Variants in DCTN3 observed in about 807,000 individuals in gnomAD.
DCTN3 encodes the protein dynactin 3 (p22).
DCTN3 carries 25 observed loss-of-function variants against 28.4 expected under a neutral mutation model. That is an observed-to-expected ratio of 0.88 (90% confidence interval 0.64 to 1.23). DCTN3 has a LOEUF of 1.23. Among genes scored for constraint, DCTN3 ranks in the 50% most tolerant of loss-of-function variants. The probability of loss-of-function intolerance (pLI) is 0.00; values close to 1 mark genes in which losing one functional copy is unlikely to be tolerated. For synonymous variants in DCTN3, 81 were observed against 91.4 expected (o/e 0.89, Z 0.65); for missense variants, 229 against 232.0 (o/e 0.99, Z 0.08).
intron 3 of DCTN3, chr9:34,617,603 G>A: frequency 7.5e-7 from 1 of 1,338,120 alleles, no homozygotes; most frequent in Non-Finnish European, 9.9e-7. Flanking sequence ...CAGAAGTGAG[G>A]AAGGTTCTGA....
chr9:34,618,751 C>A lies in DCTN3; in HGVS notation c.106G>T (p.Gly36Cys), dbSNP rs775935933. 15 of 1,614,052 alleles carry A rather than the reference C, an allele frequency of 9.3e-6. No individual in the cohort carries two copies. Among genetic ancestry groups the A allele is most frequent in the Non-Finnish European group, 1.2e-5 (14 of 1,179,920 alleles). The change falls in exon 2 of 7, where the codon GGC (glycine) becomes TGC (cysteine). Residue 36 changes from glycine (G) to cysteine (C), a missense_variant. Coordinates refer to ENST00000259632, the MANE Select transcript of DCTN3 (RefSeq NM_007234.5). ...GARGSRKVAD[G>C]LVKVQVALGN... Reference sequence around the variant, plus strand: ...AAAGCCACCTGCACCTTGACCAGGCCGTCAGCCACCTGTAAGGGAAGTGGT... The same window carrying A: ...AAAGCCACCTGCACCTTGACCAGGCAGTCAGCCACCTGTAAGGGAAGTGGT...
chr9:34,617,231 G>C (rs759957515), intron 3 of DCTN3, among the ~76,000 whole-genome samples: 1 of 152,142 alleles, frequency 6.6e-6, no homozygotes. Context: ...TCCCATCTGG[G>C]TTATAAGCTC....
rs777339270 is a variant in DCTN3, at chr9:34,614,080, C to G, written c.433G>C (p.Glu145Gln). 2 of 1,613,732 alleles carry G rather than the reference C, an allele frequency of 1.2e-6. No individual in the cohort carries two copies. Among genetic ancestry groups the G allele is most frequent in the East Asian group, 4.5e-5 (2 of 44,884 alleles). ...TCCTCCAGGAGAGCCTTGGACTCCT[C>G]AGTGATTTCCACACACTGGTCCTGT... ...QQQDQCVEIT[E>Q]ESKALLEEYN... Residue 145 changes from glutamate (E) to glutamine (Q), a missense_variant, in exon 6 of 7, where the codon GAG (glutamate) becomes CAG (glutamine). Coordinates refer to ENST00000259632, the MANE Select transcript of DCTN3 (RefSeq NM_007234.5).
chr9:34,614,457 G>C, intron 5 of DCTN3: 3 of 614,636 alleles, frequency 4.9e-6, no homozygotes, highest in Middle Eastern at 4.4e-4. Context: ...CCATCCCCAG[G>C]AATTCTTGGG....
rs1361730067 is a variant in DCTN3 at position 34,616,694 on chromosome 9, G to C, written c.269-581C>G. The C allele has an allele frequency of 6.6e-6, 1 of 152,352 alleles. No individual in the cohort carries two copies. The highest frequency in any genetic ancestry group is 1.5e-5 in the Non-Finnish European group (1 of 68,170). 9.4% of individuals were successfully genotyped at this position (152,352 alleles called of 1,614,324 possible). A position where few individuals can be genotyped will look rare whatever the true frequency, so the allele number is the denominator to read the frequency against. ...GGTATTCAAGAGAGAGGACTGTTAC[G>C]TGCAAATGCTTAGAGGCAGGAATGC... On this transcript the variant is annotated intron_variant, in intron 3 of 6. Coordinates refer to ENST00000259632, the MANE Select transcript of DCTN3 (RefSeq NM_007234.5). This position sits in a 1 kb window ranked among gnomAD's most constrained non-coding sequence, Gnocchi z 4.7.
chr9:34,620,052 G>A (rs578025446), intron 1 of DCTN3, among the ~76,000 whole-genome samples: 2 of 152,228 alleles, frequency 1.3e-5, no homozygotes, highest in Non-Finnish European at 2.9e-5. Context: ...CCTTCCTATC[G>A]TGGACTTCAG....
intron 5 of DCTN3, 104 bp downstream of exon 5, chr9:34,614,606 A>G: frequency 7.6e-7 from 1 of 1,318,950 alleles, no homozygotes; most frequent in South Asian, 1.2e-5. Flanking sequence ...GTTTCTGCTG[A>G]GGTTACAACA....
chr9:34,615,128 T>A, intron 4 of DCTN3: 1 of 210,286 alleles, frequency 4.8e-6, no homozygotes, highest in East Asian at 1.1e-4. Context: ...CTGCCTGGCT[T>A]AGGGAACAGG....
intron 1 of DCTN3, among the ~76,000 whole-genome samples, chr9:34,619,611 G>A (rs1820505557): frequency 6.6e-6 from 1 of 152,132 alleles, no homozygotes; most frequent in Non-Finnish European, 1.5e-5. Flanking sequence ...GAGGGTCAGC[G>A]TCATAGATCC....
Position 34,613,641 on chromosome 9 carries a change from C to T in DCTN3, c.*141G>A, listed in dbSNP as rs1820352662. 7.5e-6 allele frequency: 9 copies of T among 1,193,036 alleles called. No individual in the cohort carries two copies. The highest frequency in any genetic ancestry group is 1.0e-5 in the Non-Finnish European group (9 of 884,714). 73.9% of individuals were successfully genotyped at this position (1,193,036 alleles called of 1,614,324 possible). A position where few individuals can be genotyped will look rare whatever the true frequency, so the allele number is the denominator to read the frequency against. Reference sequence around the variant, plus strand: ...TTGCAAACCTCAGGTAACCTGACCTCCAACTTTAGAGCCCAGAGTACAGAG... The same window carrying T: ...TTGCAAACCTCAGGTAACCTGACCTTCAACTTTAGAGCCCAGAGTACAGAG... On this transcript the variant is annotated 3_prime_UTR_variant, in exon 7 of 7. Transcript: ENST00000259632.
At chr9:34,615,500 GA>G (rs1820403817) in intron 4 of DCTN3, 1 of 152,350 alleles carries the variant, frequency 6.6e-6, no homozygotes, top group Admixed American at 6.5e-5. Flanking sequence ...CAGAGCTGGG[GA>G]CTGCTAGAGC....
chr9:34,620,442 T>C lies in DCTN3; in HGVS notation c.23A>G (p.Gln8Arg), dbSNP rs961742356. ...CTCTTCCACTCGGGCCTGTAGCCGC[T>C]GCAAGTCAGTCAGACCCGCCATCGC... is the stretch of plus-strand genomic sequence containing the variant. MAGLTDL[Q>R]RLQARVEELE... Residue 8 changes from glutamine to arginine, a missense_variant, in exon 1 of 7, where the codon CAG (glutamine) becomes CGG (arginine). Physicochemically the swap from Gln to Arg is conservative, Grantham distance 43. Transcript: ENST00000259632. 1.7e-5 allele frequency: 27 copies of C among 1,554,906 alleles called. No individual in the cohort carries two copies. The highest frequency in any genetic ancestry group is 2.2e-5 in the Non-Finnish European group (25 of 1,149,980).
chr9:34,620,387 C>T lies in DCTN3; in HGVS notation c.78G>A (p.Gly26=). 1 of 1,601,786 alleles carries T rather than the reference C, an allele frequency of 6.2e-7. No homozygotes were observed. ...ELERWVYGPG[G]ARGSRKVADG... is the part of the protein sequence containing the mutation. The stretch of plus-strand genomic sequence containing the variant: ...TACTCACCTTCCGTGAGCCGCGCGC[C>T]CCGCCCGGCCCGTACACCCAGCGCT... Residue 26 remains glycine (G), a synonymous_variant, in exon 1 of 7, where the codon GGG becomes GGA. Transcript: ENST00000259632.
chr9:34,618,087 C>T, intron 2 of DCTN3, 116 bp from the exon 3 acceptor site: 4 of 945,526 alleles, frequency 4.2e-6, no homozygotes, highest in Non-Finnish European at 6.3e-6. Context: ...GAGCTGATAC[C>T]CAACAGTGCC....
chr9:34,614,678 A>G, intron 5 of DCTN3, 32 bp downstream of exon 5: 1 of 1,613,688 alleles, frequency 6.2e-7, no homozygotes, highest in Non-Finnish European at 8.5e-7. Flanking sequence ...CGCCACCTCC[A>G]TCTTCGCTTC....
At chr9:34,618,093 G>A (rs779960217) in intron 2 of DCTN3, 122 bp from the exon 3 acceptor site, 11 of 906,474 alleles carry the variant, frequency 1.2e-5, no homozygotes, top group South Asian at 1.7e-5. Context: ...ATACCCAACA[G>A]TGCCACATGA....
chr9:34,618,081 T>TGATA, intron 2 of DCTN3, 110 bp from the exon 3 acceptor site: 1 of 1,071,902 alleles, frequency 9.3e-7, no homozygotes, highest in African/African-American at 1.6e-5. Context: ...AATGAGGAGC[T>TGATA]GATACCCAAC....
chr9:34,617,678 T>C (rs968249846), intron 3 of DCTN3: 1 of 1,478,384 alleles, frequency 6.8e-7, no homozygotes, highest in Non-Finnish European at 9.1e-7. Context: ...GCTGGCACCA[T>C]GGCCTGCAGC....
In DCTN3 at chr9:34,616,962, G is replaced by T. The variant is rs1820436917; in HGVS notation, c.269-849C>A. On this transcript the variant is annotated intron_variant, in intron 3 of 6. Transcript: ENST00000259632. This position sits in a 1 kb window ranked among gnomAD's most constrained non-coding sequence, Gnocchi z 4.7. ...ACCACATGCAGGAAGGGAAAGATTA[G>T]GGTCAAGAGTATGATTTAGGAGACT... Among the ~76,000 whole-genome samples, 1 of 152,172 alleles carries T rather than the reference G, an allele frequency of 6.6e-6. No homozygotes were observed. Among genetic ancestry groups the T allele is most frequent in the Admixed American group, 6.5e-5 (1 of 15,282 alleles).
Sources: gnomAD v4.1 joint callset for allele counts (sites outside exome capture counted in the v4.1 genomes callset) on GRCh38, gnomAD v4.1.1 for gene constraint, Gnocchi (gnomAD v3.1) non-coding constraint, MANE v1.5 for transcripts, NCBI Gene and HGNC (gene_info 2026-07-23, HGNC 2026-07-21) for gene names.